The following ERC1 variants were observed in gnomAD, a reference collection of about 807,000 sequenced individuals.
ERC1 encodes the protein RAB6 interacting protein 2.
ERC1 carries 56 observed loss-of-function variants against 132.0 expected under a neutral mutation model. The ratio of observed to expected loss-of-function variants is 0.42; its 90% CI spans 0.34 to 0.53. The LOEUF (loss-of-function observed/expected upper bound fraction) is 0.53. ERC1 is among the 20% of genes least tolerant of loss of function. ERC1 has a pLI of 0.03. For synonymous variants in ERC1, 478 were observed against 476.1 expected, an observed-to-expected ratio of 1.00 and a Z score of -0.05; for missense variants, 1,202 against 1,349.9, an observed-to-expected ratio of 0.89 and a Z score of 1.72.
chr12:1,269,835 G>A (rs1185772434), intron 14 of ERC1, among the ~76,000 whole-genome samples: 1 of 152,038 alleles, frequency 6.6e-6, no homozygotes, highest in African/African-American at 2.4e-5. Flanking sequence ...TCCCCTTCAC[G>A]GTTCTGCACC....
intron 8 of ERC1, among the ~76,000 whole-genome samples, chr12:1,145,880 G>A (rs1426093945): frequency 6.6e-6 from 1 of 152,166 alleles, no homozygotes; most frequent in Admixed American, 6.5e-5. Flanking sequence ...TCAGTTGGCA[G>A]TAAGTGTCTG....
At chr12:1,343,063 C>T (rs1412637415) in intron 15 of ERC1, among the ~76,000 whole-genome samples, 1 of 152,122 alleles carries the variant, frequency 6.6e-6, no homozygotes, top group South Asian at 2.1e-4. Flanking sequence ...TCAGTCCGGG[C>T]ATTAGAGAGC....
At position 1,444,680 on chromosome 12, in the gene ERC1, C is replaced by G. The variant is rs769822543; in HGVS notation, c.3143C>G (p.Pro1048Arg). 6.2e-7 allele frequency: 1 copy of G among 1,614,172 alleles called. No homozygotes were observed. Among genetic ancestry groups the G allele is most frequent in the East Asian group, 2.2e-5 (1 of 44,892 alleles). ...CTGATCCTCCGTGGACTCACTCCAC[C>G]AGCTTCCTATAACTTGGACGATGAC... ...DPLILRGLTPPASYNLDDDQA... is the reference protein window; with the variant it reads ...DPLILRGLTPRASYNLDDDQA... Residue 1048 changes from proline to arginine, a missense_variant, in exon 18 of 19, where the codon CCA becomes CGA. Pro to Arg is a moderately radical substitution (Grantham distance 103). Transcript: ENST00000360905.
At chr12:1,254,198 A>G (rs944505298) in intron 13 of ERC1, among the ~76,000 whole-genome samples, 1 of 152,224 alleles carries the variant, frequency 6.6e-6, no homozygotes, top group Non-Finnish European at 1.5e-5. Context: ...AAAATGATAA[A>G]GCATGTTCCT....
chr12:1,411,081 T>C (rs1470274663), intron 17 of ERC1, among the ~76,000 whole-genome samples: 1 of 152,072 alleles, frequency 6.6e-6, no homozygotes, highest in African/African-American at 2.4e-5. Flanking sequence ...TTAGAAGTCA[T>C]TCTAAAAATT....
At chr12:1,011,493 A>G (rs1191736316) in intron 1 of ERC1, among the ~76,000 whole-genome samples, 1 of 152,182 alleles carries the variant, frequency 6.6e-6, no homozygotes, top group Non-Finnish European at 1.5e-5. Flanking sequence ...GGTGTGAGCC[A>G]CCTTGTTTGG....
chr12:1,488,140 GAAAA>G (rs34258622), intron 18 of ERC1, among the ~76,000 whole-genome samples: 37 of 68,144 alleles, frequency 5.4e-4, no homozygotes, highest in African/African-American at 1.4e-3. Context: ...TCACGTCTCA[GAAAA>G]AAAAAAAAAA....
At chr12:1,138,981 A>G (rs190111566) in intron 7 of ERC1, among the ~76,000 whole-genome samples, 2 of 152,246 alleles carry the variant, frequency 1.3e-5, no homozygotes, top group Admixed American at 6.5e-5. Flanking sequence ...GCCGTGAGAG[A>G]GTGTGAAGTT....
At chr12:1,203,992 A>G (rs918480422) in intron 12 of ERC1, 1 of 152,544 alleles carries the variant, frequency 6.6e-6, no homozygotes, top group Non-Finnish European at 1.5e-5. Flanking sequence ...TTTCAAGTAC[A>G]TTAAAGTTCT....
chr12:1,121,813 A>G (rs1164124243), intron 7 of ERC1, among the ~76,000 whole-genome samples: 16 of 17,404 alleles, frequency 9.2e-4, no homozygotes, highest in African/African-American at 2.1e-3. Flanking sequence ...CTCTATCTCT[A>G]TCTCTATCTG....
intron 2 of ERC1, among the ~76,000 whole-genome samples, chr12:1,051,601 C>T (rs1171591637): frequency 1.3e-5 from 2 of 150,766 alleles, no homozygotes; most frequent in African/African-American, 2.4e-5. Flanking sequence ...GCCTGCAAAT[C>T]CCAGCTACTC....
At chr12:1,304,103 G>A (rs749162196) in intron 15 of ERC1, among the ~76,000 whole-genome samples, 2 of 152,020 alleles carry the variant, frequency 1.3e-5, no homozygotes, top group Non-Finnish European at 2.9e-5. Context: ...CATAAAATTG[G>A]GAGTTGGGAG....
At chr12:1,433,251 G>C (rs1436173463) in intron 17 of ERC1, among the ~76,000 whole-genome samples, 2 of 152,208 alleles carry the variant, frequency 1.3e-5, no homozygotes, top group Non-Finnish European at 2.9e-5. Flanking sequence ...CAAGCATGCA[G>C]GCACACAGCA....
At chr12:1,454,239 C>T (rs181060516) in intron 18 of ERC1, among the ~76,000 whole-genome samples, 1 of 152,352 alleles carries the variant, frequency 6.6e-6, no homozygotes, top group African/African-American at 2.4e-5. Context: ...GGAAGCTCCA[C>T]ACCCCTCTCC....
chr12:1,198,510 T>C (rs892499067), intron 12 of ERC1, among the ~76,000 whole-genome samples: 1 of 152,228 alleles, frequency 6.6e-6, no homozygotes, highest in African/African-American at 2.4e-5. Context: ...TGAGTAGTTA[T>C]GATGGAGGTA....
chr12:1,328,396 G>A (rs543949205), intron 15 of ERC1, among the ~76,000 whole-genome samples: 16 of 151,320 alleles, frequency 1.1e-4, no homozygotes, highest in African/African-American at 3.2e-4. Flanking sequence ...CTCCTACCAT[G>A]GCCTCCCAAA....
At chr12:1,004,919 G>A (rs1017075822) in intron 1 of ERC1, among the ~76,000 whole-genome samples, 1 of 151,042 alleles carries the variant, frequency 6.6e-6, no homozygotes, top group African/African-American at 2.4e-5. Flanking sequence ...ACTTTTCAAG[G>A]AAGAAAGACC....
chr12:1,328,413 G>T (rs1290758915), intron 15 of ERC1, among the ~76,000 whole-genome samples: 2 of 151,148 alleles, frequency 1.3e-5, no homozygotes, highest in Non-Finnish European at 2.9e-5. Flanking sequence ...CAAAGTGCTG[G>T]GATTACAGAC....
At chr12:1,256,328 G>T (rs1594587838) in intron 13 of ERC1, among the ~76,000 whole-genome samples, 1 of 145,584 alleles carries the variant, frequency 6.9e-6, no homozygotes, top group Non-Finnish European at 1.5e-5. Context: ...ACTAGAAGCA[G>T]TTATAATGAA....
Sources: gnomAD v4.1 joint callset for allele counts (sites outside exome capture counted in the v4.1 genomes callset) on GRCh38, gnomAD v4.1.1 for gene constraint, MANE v1.5 for transcripts, NCBI Gene and HGNC (gene_info 2026-07-23, HGNC 2026-07-21) for gene names.